ARHGAP15: variants seen among roughly 807,000 people sequenced by gnomAD.
ARHGAP15 encodes rho GTPase-activating protein 15.
Under a neutral mutation model 63.7 loss-of-function variants are expected in ARHGAP15, and 51 were observed. The ratio of observed to expected loss-of-function variants is 0.80; its 90% CI spans 0.64 to 1.01. The LOEUF (loss-of-function observed/expected upper bound fraction) is 1.01. ARHGAP15 is among the 50% of genes least tolerant of loss of function. The pLI, the probability that ARHGAP15 is intolerant of heterozygous loss-of-function variation, is 0.00. For missense variants in ARHGAP15, 560 were observed against 564.6 expected (o/e 0.99, Z 0.08); for synonymous variants, 191 against 193.8 (o/e 0.99, Z 0.12).
chr2:143,423,589 G>A (rs1689021136), intron 6 of ARHGAP15, among the ~76,000 whole-genome samples: 1 of 152,032 alleles, frequency 6.6e-6, no homozygotes. Flanking sequence ...ACTGCTGGAG[G>A]GATACCTCTT....
chr2:143,402,882 A>G (rs1688043900), intron 6 of ARHGAP15, among the ~76,000 whole-genome samples: 2 of 151,864 alleles, frequency 1.3e-5, no homozygotes, highest in Non-Finnish European at 2.9e-5. Flanking sequence ...TTCACCTGTT[A>G]GCTGTCTACC....
chr2:143,488,147 G>C (rs1225537644), intron 9 of ARHGAP15, among the ~76,000 whole-genome samples: 1 of 152,288 alleles, frequency 6.6e-6, no homozygotes, highest in African/African-American at 2.4e-5. Context: ...CACTCATTTT[G>C]ACATTGATCA....
intron 11 of ARHGAP15, chr2:143,607,517 C>T (rs902699278): frequency 1.3e-5 from 2 of 151,270 alleles, no homozygotes; most frequent in African/African-American, 4.9e-5. Flanking sequence ...CTGTCCTGAC[C>T]TTAATGTTTC....
chr2:143,155,759 C>T, intron 2 of ARHGAP15, 104 bp downstream of exon 2: 1 of 1,183,462 alleles, frequency 8.4e-7, no homozygotes, highest in Non-Finnish European at 1.2e-6. Flanking sequence ...TCCTAATGTG[C>T]ATGAGAAAAC....
intron 6 of ARHGAP15, among the ~76,000 whole-genome samples, chr2:143,397,316 A>ATGTGAGTGTG (rs1553474286): frequency 6.8e-6 from 1 of 147,624 alleles, no homozygotes; most frequent in African/African-American, 2.5e-5. Flanking sequence ...TGAGATATGT[A>ATGTGAGTGTG]TGTGTGTGTG....
chr2:143,590,625 A>T (rs1382729052), intron 11 of ARHGAP15, among the ~76,000 whole-genome samples: 9 of 152,226 alleles, frequency 5.9e-5, no homozygotes, highest in Non-Finnish European at 8.8e-5. Context: ...ATCTTTATGG[A>T]ATCTAAGTGC....
At chr2:143,156,842 C>G (rs1690100289) in intron 2 of ARHGAP15, among the ~76,000 whole-genome samples, 1 of 151,930 alleles carries the variant, frequency 6.6e-6, no homozygotes, top group South Asian at 2.1e-4. Context: ...GGAGGTACAA[C>G]ACTGCCAGCC....
At chr2:143,555,841 G>C (rs1008912960) in intron 10 of ARHGAP15, among the ~76,000 whole-genome samples, 8 of 137,846 alleles carry the variant, frequency 5.8e-5, no homozygotes, top group African/African-American at 2.2e-4. Context: ...ATGTTATTCT[G>C]TAACAATCAC....
At chr2:143,502,719 A>G (rs939946886) in intron 9 of ARHGAP15, among the ~76,000 whole-genome samples, 2 of 152,068 alleles carry the variant, frequency 1.3e-5, no homozygotes, top group African/African-American at 4.8e-5. Flanking sequence ...AGCTGGGACT[A>G]TAGGCACCCA....
At chr2:143,579,851 A>AGG (rs1296633701) in intron 11 of ARHGAP15, among the ~76,000 whole-genome samples, 8 of 151,684 alleles carry the variant, frequency 5.3e-5, no homozygotes, top group Non-Finnish European at 1.0e-4. Context: ...CTCCATTACC[A>AGG]GCACTGAAAC....
intron 8 of ARHGAP15, among the ~76,000 whole-genome samples, chr2:143,469,967 C>T (rs76829172): frequency 1.7e-3 from 259 of 149,514 alleles, no homozygotes; most frequent in African/African-American, 4.0e-3. Context: ...CTTTTTTTTT[C>T]TCTCTCTCTC....
intron 8 of ARHGAP15, among the ~76,000 whole-genome samples, chr2:143,460,536 T>C (rs1323102415): frequency 1.3e-5 from 2 of 152,208 alleles, no homozygotes; most frequent in East Asian, 3.8e-4. Context: ...TAATGTTAAA[T>C]TAGAATCTTT....
chr2:143,766,779 G>A (rs1686959943), intron 13 of ARHGAP15: 1 of 152,208 alleles, frequency 6.6e-6, no homozygotes, highest in Non-Finnish European at 1.5e-5. Flanking sequence ...TGGCAATCTG[G>A]TTCGGTACTA....
At chr2:143,464,888 T>C (rs1393107576) in intron 8 of ARHGAP15, among the ~76,000 whole-genome samples, 1 of 152,184 alleles carries the variant, frequency 6.6e-6, no homozygotes, top group South Asian at 2.1e-4. Flanking sequence ...ATAAAAATCT[T>C]TTTCATCTTA....
Position 143,369,075 on chromosome 2 carries a change from T to C in ARHGAP15, c.475-66526T>C, listed in dbSNP as rs553513088. On this transcript the variant is annotated intron_variant, in intron 6 of 13. Transcript: ENST00000295095. ...GGAGCCCAAAAAACAATAAAAAATATTGCACAGACATTCATGCAAAATGAA... is the reference window on the plus strand; with the variant it reads ...GGAGCCCAAAAAACAATAAAAAATACTGCACAGACATTCATGCAAAATGAA... Among the ~76,000 whole-genome samples, 4 of 152,256 alleles carry C rather than the reference T, an allele frequency of 2.6e-5. No homozygotes were observed. In the South Asian group the frequency reaches 8.3e-4, roughly 32 times the overall value.
At position 143,711,765 on chromosome 2, in the gene ARHGAP15, C is replaced by T. The variant is rs1438584110; in HGVS notation, c.1244+8241C>T. On this transcript the variant is annotated intron_variant, in intron 13 of 13. Transcript: ENST00000295095. ...GCAACATAGTGAGAACTCATCTCTA[C>T]AAAACATTAAAAAATTAGCCAGACA... 3.3e-5 allele frequency among the ~76,000 whole-genome samples: 5 copies of T among 152,008 alleles called. No homozygotes were observed. The South Asian group carries it at 8.3e-4, about 25-fold the overall frequency.
chr2:143,632,058 A>G (rs534114352), intron 12 of ARHGAP15, among the ~76,000 whole-genome samples: 2 of 152,196 alleles, frequency 1.3e-5, no homozygotes, highest in South Asian at 4.1e-4. Flanking sequence ...TTTATGGGGT[A>G]GAATATGATG....
intron 6 of ARHGAP15, among the ~76,000 whole-genome samples, chr2:143,431,999 T>A (rs1272169875): frequency 6.6e-6 from 1 of 152,092 alleles, no homozygotes; most frequent in African/African-American, 2.4e-5. Context: ...CCATCAAATA[T>A]GTTTTGCTGA....
chr2:143,704,208 T>C (rs979087961), intron 13 of ARHGAP15, among the ~76,000 whole-genome samples: 2 of 152,172 alleles, frequency 1.3e-5, no homozygotes, highest in African/African-American at 4.8e-5. Flanking sequence ...GATTCTATTC[T>C]AAATTCAAGG....
Sources: gnomAD v4.1 joint callset for allele counts (sites outside exome capture counted in the v4.1 genomes callset) on GRCh38, gnomAD v4.1.1 for gene constraint, MANE v1.5 for transcripts, NCBI Gene and HGNC (gene_info 2026-07-23, HGNC 2026-07-21) for gene names.